The following GNB1 variants were observed in gnomAD, a reference collection of about 807,000 sequenced individuals.
GNB1 encodes the protein G protein subunit beta 1.
In GNB1, 2 loss-of-function variants were observed where a neutral mutation model predicts 42.9. That is an observed-to-expected ratio of 0.05 (90% CI 0.02 to 0.15). GNB1 has a LOEUF of 0.15. GNB1 is among the 10% of genes least tolerant of loss of function. GNB1 has a pLI of 1.00. For synonymous variants in GNB1, 183 were observed against 174.7 expected, an observed-to-expected ratio of 1.05 and a Z score of -0.38; for missense variants, 193 against 462.2, an observed-to-expected ratio of 0.42 and a Z score of 5.34.
At chr1:1,889,904 G>A (rs1261621362) in intron 1 of GNB1, among the ~76,000 whole-genome samples, 5 of 121,582 alleles carry the variant, frequency 4.1e-5, no homozygotes, top group Non-Finnish European at 6.6e-5. Context: ...CAGCCGAAAA[G>A]CCGATCCAGG....
chr1:1,831,820 AGGCTGAGGCT>A lies in GNB1; in HGVS notation c.-46-6331_-46-6322del, dbSNP rs1304715991. 2.7e-5 allele frequency among the ~76,000 whole-genome samples: 4 copies of A among 150,588 alleles called. No individual in the cohort carries two copies. In the East Asian group the frequency reaches 8.1e-4, roughly 31 times the overall value. On this transcript the variant is annotated intron_variant, in intron 2 of 11. Transcript: ENST00000378609. ...ATGCCTGTAGTCCCAGCACTTTGGG[AGGCTGAGGCT>A]GGCAGATGGCTTGAGCTCAGGAGTT...
intron 1 of GNB1, among the ~76,000 whole-genome samples, chr1:1,848,839 G>A (rs968653939): frequency 2.0e-5 from 3 of 152,170 alleles, no homozygotes; most frequent in Non-Finnish European, 2.9e-5. Context: ...TAACACAACT[G>A]TCTAGCATTT....
chr1:1,830,962 G>A (rs1260922038), intron 2 of GNB1, among the ~76,000 whole-genome samples: 1 of 152,116 alleles, frequency 6.6e-6, no homozygotes, highest in East Asian at 1.9e-4. Context: ...TTAGGAGTTC[G>A]AGACCAGCCT....
chr1:1,888,434 T>C (rs1557958020), intron 1 of GNB1, among the ~76,000 whole-genome samples: 2 of 151,178 alleles, frequency 1.3e-5, no homozygotes, highest in South Asian at 4.2e-4. Context: ...GCTCGTAACC[T>C]GGGACCACCG....
intron 3 of GNB1, among the ~76,000 whole-genome samples, chr1:1,819,671 T>C (rs1646905382): frequency 6.6e-6 from 1 of 151,634 alleles, no homozygotes. Flanking sequence ...CCTGAATAGC[T>C]GGGACTACAA....
intron 5 of GNB1, among the ~76,000 whole-genome samples, chr1:1,814,291 T>A (rs1473705268): frequency 3.3e-5 from 5 of 152,156 alleles, no homozygotes; most frequent in African/African-American, 9.7e-5. Flanking sequence ...AACAACGGAA[T>A]ACAAAGAAAT....
Position 1,839,251 on chromosome 1 carries a change from G to A in GNB1, c.-95-13C>T, listed in dbSNP as rs1647191509. 6.6e-6 allele frequency: 1 copy of A among 152,158 alleles called. No individual in the cohort carries two copies. The highest frequency in any genetic ancestry group is 6.5e-5 in the Admixed American group (1 of 15,270). The allele number at this position is 152,158 out of a possible 1,614,324, so 9.4% of individuals were successfully genotyped here. On this transcript the variant is annotated splice_polypyrimidine_tract_variant and intron_variant, in intron 1 of 11. Transcript: ENST00000378609. Reference sequence around the variant, plus strand: ...CATGTAAATTTGTCTGAAACAAACAGAAAAGGCTGTATTTGTATTGCACTC... The same window carrying A: ...CATGTAAATTTGTCTGAAACAAACAAAAAAGGCTGTATTTGTATTGCACTC...
intron 2 of GNB1, among the ~76,000 whole-genome samples, chr1:1,837,382 G>A (rs943256212): frequency 6.6e-6 from 1 of 151,402 alleles, no homozygotes; most frequent in Non-Finnish European, 1.5e-5. Context: ...GGCCTCCTGA[G>A]TAGCTGGGAC....
chr1:1,845,295 C>T (rs1011708989), intron 1 of GNB1, among the ~76,000 whole-genome samples: 2 of 152,162 alleles, frequency 1.3e-5, no homozygotes, highest in African/African-American at 2.4e-5. Flanking sequence ...TAAAGTAGGC[C>T]GGGTGCGGTG....
chr1:1,820,505 T>C (rs1295245250), intron 3 of GNB1, among the ~76,000 whole-genome samples: 2 of 152,084 alleles, frequency 1.3e-5, no homozygotes, highest in African/African-American at 4.8e-5. Context: ...AGTATTTCTA[T>C]GCAAGCAGTA....
chr1:1,823,024 C>T (rs1250980484), intron 3 of GNB1, among the ~76,000 whole-genome samples: 1 of 151,706 alleles, frequency 6.6e-6, no homozygotes, highest in Non-Finnish European at 1.5e-5. Flanking sequence ...GGGCGGATCA[C>T]GAGGTCAGGA....
intron 1 of GNB1, among the ~76,000 whole-genome samples, chr1:1,841,701 G>A (rs897205002): frequency 2.6e-5 from 4 of 152,172 alleles, no homozygotes; most frequent in Non-Finnish European, 5.9e-5. Flanking sequence ...TTTACTTAAA[G>A]TAGTTTCGTT....
chr1:1,809,707 AAGCTGTCCACTGATCCTCCAGAAGGTG>A, intron 5 of GNB1, among the ~76,000 whole-genome samples: 1 of 152,254 alleles, frequency 6.6e-6, no homozygotes, highest in East Asian at 1.9e-4. Flanking sequence ...AGGGACACGT[AAGCTGTCCACTGATCCTCCAGAAGGTG>A]AGAGAAGACA....
At chr1:1,841,695 C>A (rs561958652) in intron 1 of GNB1, among the ~76,000 whole-genome samples, 13 of 152,172 alleles carry the variant, frequency 8.5e-5, no homozygotes, top group African/African-American at 3.1e-4. Context: ...AATTCATTTA[C>A]TTAAAGTAGT....
chr1:1,857,413 G>GGATTCTA (rs1227005951), intron 1 of GNB1, among the ~76,000 whole-genome samples: 1 of 152,094 alleles, frequency 6.6e-6, no homozygotes, highest in Non-Finnish European at 1.5e-5. Context: ...ACGCAGCCTA[G>GGATTCTA]GATTCTAAAT....
intron 3 of GNB1, among the ~76,000 whole-genome samples, chr1:1,822,040 T>C (rs901995717): frequency 6.6e-6 from 1 of 152,160 alleles, no homozygotes; most frequent in South Asian, 2.1e-4. Flanking sequence ...GAGGCTGCAG[T>C]GAGCTGTGAT....
At chr1:1,838,000 C>G (rs557914141) in intron 2 of GNB1, among the ~76,000 whole-genome samples, 1 of 151,708 alleles carries the variant, frequency 6.6e-6, no homozygotes, top group African/African-American at 2.4e-5. Context: ...GTCAGGAGTT[C>G]GAGACCAGCC....
At chr1:1,793,414 G>A in intron 7 of GNB1, 103 bp from the exon 8 acceptor site, 2 of 711,858 alleles carry the variant, frequency 2.8e-6, no homozygotes, top group Non-Finnish European at 5.1e-6. Flanking sequence ...CTACGTCTAA[G>A]GTAAGACCAG....
chr1:1,858,335 G>A (rs1356989274), intron 1 of GNB1, among the ~76,000 whole-genome samples: 5 of 152,140 alleles, frequency 3.3e-5, no homozygotes, highest in South Asian at 2.1e-4. Context: ...CTAAAAGTCC[G>A]TTTTTAACTA....
Sources: allele counts gnomAD v4.1 joint callset (sites outside exome capture counted in the v4.1 genomes callset), GRCh38; gene constraint gnomAD v4.1.1; transcripts MANE v1.5; gene names NCBI Gene and HGNC (gene_info 2026-07-23, HGNC 2026-07-21).